Variants in DIP2C observed in about 807,000 individuals in gnomAD.
DIP2C encodes disco-interacting protein 2 homolog C.
In DIP2C, 33 loss-of-function variants were observed where a neutral mutation model predicts 192.4. The observed-to-expected ratio is 0.17, with a 90% confidence interval of 0.13 to 0.23. DIP2C has a LOEUF of 0.23. Ranked by LOEUF, DIP2C falls within the 10% of genes least tolerant of loss-of-function variation. The probability of loss-of-function intolerance (pLI) is 1.00; values close to 1 mark genes in which losing one functional copy is unlikely to be tolerated. For missense variants in DIP2C, 1,537 were observed against 2,110.1 expected (o/e 0.73, Z 5.32); for synonymous variants, 979 against 864.1 (o/e 1.13, Z -2.33).
chr10:344,919 C>A lies in DIP2C; in HGVS notation c.3344-1G>T. ...GCAGGCCGCTTCTTTGGCAAATCAT[C>A]TGGAGAGGAACATGACTATCAGCAG... On this transcript the variant is annotated splice_acceptor_variant, in intron 27 of 36. Transcript: ENST00000280886. LOFTEE classifies it high-confidence loss of function. The A allele has an allele frequency of 6.2e-7, 1 of 1,605,636 alleles. No individual in the cohort carries two copies. Among genetic ancestry groups the A allele is most frequent in the Non-Finnish European group, 8.5e-7 (1 of 1,176,924 alleles).
chr10:313,719 G>A (rs1172991534), intron 31 of DIP2C, among the ~76,000 whole-genome samples: 1 of 152,126 alleles, frequency 6.6e-6, no homozygotes, highest in African/African-American at 2.4e-5. Flanking sequence ...AGGGACAAAT[G>A]TATATACCAA....
chr10:524,476 TCTA>T (rs759894379), intron 1 of DIP2C, among the ~76,000 whole-genome samples: 145 of 152,322 alleles, frequency 9.5e-4, no homozygotes, highest in Non-Finnish European at 1.6e-3. Context: ...CTTATTTTCC[TCTA>T]CTTTTATATA....
At chr10:661,244 G>A (rs1856744668) in intron 1 of DIP2C, among the ~76,000 whole-genome samples, 1 of 152,340 alleles carries the variant, frequency 6.6e-6, no homozygotes, top group East Asian at 1.9e-4. Context: ...AACAGAGAGA[G>A]AAGACTGCAG....
chr10:370,129 G>GT, intron 17 of DIP2C: 1 of 787,066 alleles, frequency 1.3e-6, no homozygotes, highest in Non-Finnish European at 1.5e-6. Context: ...CTGCCTGGGC[G>GT]TATGCCCAAT....
chr10:507,448 C>T (rs1279751611), intron 1 of DIP2C, among the ~76,000 whole-genome samples: 2 of 151,542 alleles, frequency 1.3e-5, no homozygotes, highest in African/African-American at 4.9e-5. Flanking sequence ...ACCCGCTATG[C>T]ACAGAGGCGT....
chr10:524,941 C>A (rs1211523353), intron 1 of DIP2C, among the ~76,000 whole-genome samples: 1 of 115,604 alleles, frequency 8.7e-6, no homozygotes, highest in African/African-American at 4.7e-5. Flanking sequence ...ATGGTCTAGA[C>A]ACACAGTTTA....
At chr10:391,977 A>ATT (rs1378985750) in intron 10 of DIP2C, among the ~76,000 whole-genome samples, 10 of 152,160 alleles carry the variant, frequency 6.6e-5, no homozygotes, top group African/African-American at 2.2e-4. Flanking sequence ...TCTCTGTGGA[A>ATT]TTTTCATGGA....
chr10:324,803 A>G, intron 31 of DIP2C: 1 of 421,112 alleles, frequency 2.4e-6, no homozygotes, highest in Non-Finnish European at 5.0e-6. Flanking sequence ...GTGCCGAGGT[A>G]AGGACGGTGG....
intron 31 of DIP2C, among the ~76,000 whole-genome samples, chr10:321,243 C>G (rs149634319): frequency 2.6e-5 from 4 of 152,236 alleles, no homozygotes; most frequent in Admixed American, 6.5e-5. Flanking sequence ...AAACTGCATG[C>G]GGCTTCGCCC....
Position 647,838 on chromosome 10 carries a change from G to A in DIP2C, c.85+41656C>T, listed in dbSNP as rs552098093. On this transcript the variant is annotated intron_variant, in intron 1 of 36. Transcript: ENST00000280886. ...GAGAACAGAGGGAAACTGAGTCCAC[G>A]TCCACATTTGACGGTGGGAGAGAAC... Among the ~76,000 whole-genome samples, 53 of 144,976 alleles carry A rather than the reference G, an allele frequency of 3.7e-4. No individual in the cohort carries two copies. In the East Asian group the frequency reaches 6.1e-3, roughly 17 times the overall value.
chr10:502,266 A>T (rs1845289128), intron 1 of DIP2C, among the ~76,000 whole-genome samples: 1 of 152,262 alleles, frequency 6.6e-6, no homozygotes, highest in African/African-American at 2.4e-5. Context: ...AGGCACACAC[A>T]GGAACTAAAC....
chr10:442,045 A>G (rs908951757), intron 3 of DIP2C, among the ~76,000 whole-genome samples: 2 of 152,354 alleles, frequency 1.3e-5, no homozygotes, highest in Admixed American at 6.5e-5. Context: ...ACAGGCTTCA[A>G]GACAAGAATC....
At chr10:576,246 G>A (rs1850148009) in intron 1 of DIP2C, among the ~76,000 whole-genome samples, 2 of 152,226 alleles carry the variant, frequency 1.3e-5, no homozygotes, top group African/African-American at 4.8e-5. Context: ...GAAGGGAGCT[G>A]TCGCCCAGTT....
intron 1 of DIP2C, among the ~76,000 whole-genome samples, chr10:645,322 G>A (rs888750602): frequency 2.0e-5 from 3 of 152,132 alleles, no homozygotes; most frequent in South Asian, 2.1e-4. Context: ...AGTGGCACAC[G>A]GCTGCAGGGG....
At chr10:373,971 A>C (rs574314686) in intron 17 of DIP2C, among the ~76,000 whole-genome samples, 2 of 152,174 alleles carry the variant, frequency 1.3e-5, no homozygotes, top group South Asian at 2.1e-4. Flanking sequence ...TTTCTCTCTC[A>C]AACTGTCTTT....
chr10:485,375 C>A (rs1302249989), intron 2 of DIP2C, among the ~76,000 whole-genome samples: 1 of 152,194 alleles, frequency 6.6e-6, no homozygotes, highest in African/African-American at 2.4e-5. Context: ...TGCCCTGAAG[C>A]CTCTCGCCCC....
At chr10:552,262 T>C (rs536193000) in intron 1 of DIP2C, among the ~76,000 whole-genome samples, 16 of 152,308 alleles carry the variant, frequency 1.1e-4, no homozygotes, top group Middle Eastern at 3.4e-3. Context: ...TTTTCTATAA[T>C]CTATCATATC....
At chr10:606,981 T>G (rs1442130605) in intron 1 of DIP2C, among the ~76,000 whole-genome samples, 2 of 152,174 alleles carry the variant, frequency 1.3e-5, no homozygotes, top group Non-Finnish European at 2.9e-5. Flanking sequence ...CCTGCACTCA[T>G]GTACGTGGCA....
At chr10:616,796 AAC>A (rs139871343) in intron 1 of DIP2C, among the ~76,000 whole-genome samples, 1,625 of 152,282 alleles carry the variant, frequency 0.011, 31 homozygotes, top group African/African-American at 0.037. Flanking sequence ...ATCAGCATTT[AAC>A]ACAATTCTGA....
Sources: allele counts gnomAD v4.1 joint callset (sites outside exome capture counted in the v4.1 genomes callset), GRCh38; gene constraint gnomAD v4.1.1; transcripts MANE v1.5; gene names NCBI Gene and HGNC (gene_info 2026-07-23, HGNC 2026-07-21).